WDFY4: variants seen among roughly 807,000 people sequenced by gnomAD.
WDFY4 encodes the protein WDFY family member 4.
WDFY4 carries 169 observed loss-of-function variants against 351.9 expected under a neutral mutation model. That is an observed-to-expected ratio of 0.48 (90% CI 0.42 to 0.55). WDFY4 has a LOEUF of 0.55. Ranked by LOEUF, WDFY4 falls within the 20% of genes least tolerant of loss-of-function variation. The probability of loss-of-function intolerance (pLI) is 0.00; values close to 1 mark genes in which losing one functional copy is unlikely to be tolerated. For missense variants in WDFY4, 3,803 were observed against 3,935.6 expected (o/e 0.97, Z 0.90); for synonymous variants, 1,622 against 1,574.6 (o/e 1.03, Z -0.71).
Position 48,969,226 on chromosome 10 carries a change from T to C in WDFY4, c.8747T>C (p.Leu2916Ser), listed in dbSNP as rs1326618490. ...SWGFDDFSCC[L>S]GSYGSDKVLM... ...GGCTTTGATGACTTCAGCTGCTGCT[T>C]GGGGAGCTACGGCTCCGACAAGGTG... Residue 2916 changes from leucine (L) to serine (S), a missense_variant, in exon 56 of 62, where the codon TTG becomes TCG. Physicochemically the swap from Leu to Ser is moderately radical, Grantham distance 145. Around this residue, in one of 3 missense-constraint regions of WDFY4, gnomAD observed 3,054 missense variants for 3,148.6 expected, o/e 0.97. Coordinates refer to ENST00000325239, the MANE Select transcript of WDFY4 (RefSeq NM_001394531.1). The C allele has an allele frequency of 1.3e-6, 2 of 1,551,434 alleles. No individual in the cohort carries two copies. The highest frequency in any genetic ancestry group is 3.9e-5 in the Admixed American group (2 of 51,006).
At chr10:48,725,587 G>A (rs2064242283) in intron 5 of WDFY4, among the ~76,000 whole-genome samples, 1 of 152,154 alleles carries the variant, frequency 6.6e-6, no homozygotes, top group African/African-American at 2.4e-5. Flanking sequence ...ACATTTTCTG[G>A]TATTCCCATT....
At chr10:48,722,825 T>C (rs2064137415) in intron 4 of WDFY4, among the ~76,000 whole-genome samples, 1 of 152,234 alleles carries the variant, frequency 6.6e-6, no homozygotes, top group South Asian at 2.1e-4. Context: ...CTGGTCTCCA[T>C]CTCTGCAGAG....
chr10:48,841,731 T>A (rs1290342711), intron 39 of WDFY4, among the ~76,000 whole-genome samples: 1 of 152,206 alleles, frequency 6.6e-6, no homozygotes, highest in Non-Finnish European at 1.5e-5. Context: ...TGGCTTCTGA[T>A]AAAATATTAT....
At chr10:48,852,750 G>A (rs373950833) in intron 39 of WDFY4, among the ~76,000 whole-genome samples, 16 of 151,980 alleles carry the variant, frequency 1.1e-4, no homozygotes, top group Non-Finnish European at 2.1e-4. Context: ...AGCCTCTCCC[G>A]TCCTCATCAC....
chr10:48,822,775 C>T lies in WDFY4; in HGVS notation c.5982+238C>T, dbSNP rs185490921. Among the ~76,000 whole-genome samples the T allele has an allele frequency of 3.7e-3, 569 of 152,354 alleles. 4 individuals carry two copies. The highest frequency in any genetic ancestry group is 0.012 in the African/African-American group (513 of 41,572). On this transcript the variant is annotated intron_variant, in intron 35 of 61. Coordinates refer to ENST00000325239, the MANE Select transcript of WDFY4 (RefSeq NM_001394531.1). ...AGGGATTGGAAGCCTCAGCTCCCTG[C>T]ACTTGCACCTGAGCTCTGTAAACTC...
chr10:48,802,074 C>G (rs955035581), intron 24 of WDFY4, among the ~76,000 whole-genome samples: 1 of 151,958 alleles, frequency 6.6e-6, no homozygotes, highest in African/African-American at 2.4e-5. Context: ...TTCTTTCTAG[C>G]TACTAGATGC....
intron 1 of WDFY4, among the ~76,000 whole-genome samples, chr10:48,706,454 C>T (rs906158741): frequency 2.0e-5 from 3 of 152,194 alleles, no homozygotes; most frequent in African/African-American, 7.2e-5. Context: ...TGGAAACATA[C>T]TTAGCTCCTC....
chr10:48,957,358 A>G (rs907390164), intron 52 of WDFY4, 76 bp downstream of exon 52: 3 of 1,507,380 alleles, frequency 2.0e-6, no homozygotes, highest in Admixed American at 4.0e-5. Context: ...GTGATGACCA[A>G]CATCATCTGG....
intron 47 of WDFY4, among the ~76,000 whole-genome samples, chr10:48,938,957 C>T (rs1005292305): frequency 4.6e-5 from 7 of 152,304 alleles, no homozygotes; most frequent in East Asian, 3.9e-4. Context: ...GGGTAACCGC[C>T]ACAATCCTCA....
chr10:48,786,690 G>A lies in WDFY4; in HGVS notation c.3628G>A (p.Ala1210Thr), dbSNP rs779518009. ...PGPFLSMDPS[A>T]FVDVYGYIAT... ...GCCTTTCCTTTCTATGGATCCATCC[G>A]CATTTGTGGATGTTTATGGATATAT... The change falls in exon 20 of 62, where the codon GCA (alanine) becomes ACA (threonine). Residue 1210 changes from alanine (A) to threonine (T), a missense_variant. Around this residue, in one of 3 missense-constraint regions of WDFY4, gnomAD observed 3,054 missense variants for 3,148.6 expected, o/e 0.97. Coordinates refer to ENST00000325239, the MANE Select transcript of WDFY4 (RefSeq NM_001394531.1). The A allele has an allele frequency of 2.4e-5, 38 of 1,552,086 alleles. 1 individual carries two copies. Among genetic ancestry groups the A allele is most frequent in the South Asian group, 2.0e-4 (17 of 84,050 alleles).
Position 48,803,361 on chromosome 10 carries a change from T to A in WDFY4, c.4484+2T>A. 6.4e-7 allele frequency: 1 copy of A among 1,551,912 alleles called. No homozygotes were observed. The highest frequency in any genetic ancestry group is 1.7e-4 in the Middle Eastern group (1 of 5,992). ...TTTGGAAATCCTTCAATCACCAAGGTAGGCTGGGTCTTGGCAGCCTGGGGG... is the reference window on the plus strand; with the variant it reads ...TTTGGAAATCCTTCAATCACCAAGGAAGGCTGGGTCTTGGCAGCCTGGGGG... On this transcript the variant is annotated splice_donor_variant, in intron 25 of 61. Transcript: ENST00000325239. LOFTEE classifies it high-confidence loss of function.
chr10:48,690,866 A>AAAAAGAC lies in WDFY4; in HGVS notation c.-18+5868_-18+5874dup, dbSNP rs2063174998. ...GCCATAGGTGGCCATGAGCAGCCTG[A>AAAAAGAC]AAAAGACAACACAAGTCCCCACTCT... On this transcript the variant is annotated intron_variant, in intron 1 of 61. Transcript: ENST00000325239. Among the ~76,000 whole-genome samples, 7 of 152,290 alleles carry AAAAAGAC rather than the reference A, an allele frequency of 4.6e-5. No homozygotes were observed. The South Asian group carries it at 1.2e-3, about 27-fold the overall frequency.
At chr10:48,959,110 A>G (rs927781086) in intron 52 of WDFY4, among the ~76,000 whole-genome samples, 1 of 152,246 alleles carries the variant, frequency 6.6e-6, no homozygotes, top group Non-Finnish European at 1.5e-5. Flanking sequence ...ATGAATCTCA[A>G]AGAAGTGAAG....
intron 12 of WDFY4, among the ~76,000 whole-genome samples, chr10:48,753,260 G>T (rs1368389336): frequency 1.3e-5 from 2 of 151,890 alleles, no homozygotes; most frequent in South Asian, 2.1e-4. Context: ...ATATATTGTG[G>T]GTACTAGACT....
intron 2 of WDFY4, among the ~76,000 whole-genome samples, chr10:48,715,986 C>T (rs7073067): frequency 6.6e-6 from 1 of 151,982 alleles, no homozygotes; most frequent in African/African-American, 2.4e-5. Flanking sequence ...CCTGAGGGGA[C>T]AGTAAGGGTA....
At chr10:48,910,125 G>T in intron 47 of WDFY4, 1 of 1,052,944 alleles carries the variant, frequency 9.5e-7, no homozygotes. Context: ...GGCGAGCCTG[G>T]TTTCCAGAAC....
At chr10:48,956,113 C>T (rs1290550724) in intron 51 of WDFY4, among the ~76,000 whole-genome samples, 1 of 152,202 alleles carries the variant, frequency 6.6e-6, no homozygotes, top group Non-Finnish European at 1.5e-5. Flanking sequence ...TCCTCCAAAC[C>T]CCCAAGACCA....
chr10:48,731,943 C>T (rs75887708), intron 9 of WDFY4, among the ~76,000 whole-genome samples: 2,770 of 152,266 alleles, frequency 0.018, 35 homozygotes, highest in South Asian at 0.035. Context: ...CTTCCTAGCT[C>T]ACTCTGTTCA....
intron 47 of WDFY4, among the ~76,000 whole-genome samples, chr10:48,911,163 A>G (rs1006376445): frequency 9.2e-5 from 14 of 152,188 alleles, no homozygotes; most frequent in African/African-American, 2.9e-4. Context: ...CTATACCTAC[A>G]GCATGGTGTC....
Sources: gnomAD v4.1 joint callset for allele counts (sites outside exome capture counted in the v4.1 genomes callset) on GRCh38, gnomAD v4.1.1 for gene constraint, gnomAD v4.1.1 regional missense constraint, MANE v1.5 for transcripts, NCBI Gene and HGNC (gene_info 2026-07-23, HGNC 2026-07-21) for gene names.